The following OPRM1 variants were observed in gnomAD, a reference collection of about 807,000 sequenced individuals.
OPRM1 encodes mu-type opioid receptor.
A neutral mutation model predicts 31.8 loss-of-function variants in OPRM1; 27 were observed. That is an observed-to-expected ratio of 0.85 (90% CI 0.63 to 1.17). OPRM1 has a LOEUF of 1.17. Ranked by LOEUF, OPRM1 falls within the 50% of genes most tolerant of loss-of-function variation. OPRM1 has a pLI of 0.00. For missense variants in OPRM1, 536 were observed against 511.1 expected (o/e 1.05, Z -0.47); for synonymous variants, 196 against 189.9 (o/e 1.03, Z -0.26).
chr6:154,180,439 T>C (rs1490983651), intron 3 of OPRM1, among the ~76,000 whole-genome samples: 1 of 149,690 alleles, frequency 6.7e-6, no homozygotes, highest in East Asian at 1.9e-4. Flanking sequence ...ATGATCCTTC[T>C]TGGTGACATT....
At chr6:154,104,263 A>G (rs947061327) in intron 3 of OPRM1, among the ~76,000 whole-genome samples, 2 of 152,230 alleles carry the variant, frequency 1.3e-5, no homozygotes, top group African/African-American at 4.8e-5. Context: ...AGATTAATAA[A>G]TGTTTAGTTA....
chr6:154,017,851 T>TA (rs1171836439), intron 1 of OPRM1, among the ~76,000 whole-genome samples: 3 of 150,170 alleles, frequency 2.0e-5, no homozygotes, highest in African/African-American at 7.5e-5. Flanking sequence ...GTGGAAGTGA[T>TA]ATGTTACTAT....
intron 3 of OPRM1, among the ~76,000 whole-genome samples, chr6:154,150,570 G>A (rs1798473656): frequency 6.6e-6 from 1 of 152,206 alleles, no homozygotes; most frequent in South Asian, 2.1e-4. Flanking sequence ...GGGTAGTTTT[G>A]AAGACTGGGG....
chr6:154,242,519 T>G (rs9479796), intron 3 of OPRM1, among the ~76,000 whole-genome samples: 61,835 of 151,984 alleles, frequency 0.41, 12,909 homozygotes, highest in Middle Eastern at 0.49. Flanking sequence ...GATCTTCTCC[T>G]ACAGAAATGA....
At chr6:154,052,256 A>G (rs781391309) in intron 1 of OPRM1, among the ~76,000 whole-genome samples, 1 of 152,200 alleles carries the variant, frequency 6.6e-6, no homozygotes, top group Non-Finnish European at 1.5e-5. Context: ...ATGACAATTG[A>G]TAGGTGCAGC....
intron 1 of OPRM1, among the ~76,000 whole-genome samples, chr6:154,030,665 T>G (rs1044546317): frequency 5.9e-5 from 9 of 152,158 alleles, no homozygotes; most frequent in African/African-American, 2.2e-4. Context: ...ACAGAGAGAT[T>G]AGAGAAGAAA....
rs77758344 is a variant in OPRM1, at chr6:154,082,133, C to T, written c.291-7693C>T. Among the ~76,000 whole-genome samples, 385 of 152,294 alleles carry T rather than the reference C, an allele frequency of 2.5e-3. 2 individuals are homozygous for T. Among genetic ancestry groups the T allele is most frequent in the African/African-American group, 8.9e-3 (370 of 41,554 alleles). On this transcript the variant is annotated intron_variant, in intron 1 of 3. Transcript: ENST00000330432. ...CAAAAACAAATATTCCCTCTTCAGT[C>T]TTACTTCAAAAATTGCTGGTTCTCT...
chr6:154,044,262 A>G (rs189359094), intron 1 of OPRM1, among the ~76,000 whole-genome samples: 1 of 152,250 alleles, frequency 6.6e-6, no homozygotes. Flanking sequence ...TTTACTACAT[A>G]TGGAAACACA....
chr6:154,152,050 G>A (rs1404756792), intron 3 of OPRM1, among the ~76,000 whole-genome samples: 2 of 151,326 alleles, frequency 1.3e-5, no homozygotes, highest in African/African-American at 4.9e-5. Flanking sequence ...GGTGGCGCAG[G>A]CCTGTAATCC....
chr6:154,127,704 TG>T lies in OPRM1; in HGVS notation c.*8984del. ...AGTCAGAATTCAATCTCCAATATCC[TG>T]ACTAGCACAAGAAATCCATAGGTTG... On this transcript the variant is annotated 3_prime_UTR_variant, in exon 4 of 4. Coordinates refer to ENST00000330432, the MANE Select transcript of OPRM1 (RefSeq NM_000914.5). Among the ~76,000 whole-genome samples the T allele has an allele frequency of 6.6e-6, 1 of 152,184 alleles. No homozygotes were observed. Among genetic ancestry groups the T allele is most frequent in the African/African-American group, 2.4e-5 (1 of 41,452 alleles).
intron 3 of OPRM1, chr6:154,108,341 G>A: frequency 4.4e-6 from 1 of 229,148 alleles, no homozygotes; most frequent in African/African-American, 2.3e-5. Context: ...CAGTTGCCCT[G>A]AGTAACAGAA....
intron 3 of OPRM1, among the ~76,000 whole-genome samples, chr6:154,235,631 C>A (rs2128631133): frequency 6.6e-6 from 1 of 151,800 alleles, no homozygotes; most frequent in African/African-American, 2.4e-5. Context: ...GTGAAGTTAT[C>A]AAATACTTCA....
intron 3 of OPRM1, among the ~76,000 whole-genome samples, chr6:154,099,986 ATAT>A (rs1357202361): frequency 7.9e-5 from 11 of 138,856 alleles, no homozygotes; most frequent in East Asian, 6.2e-4. Flanking sequence ...ATATCATAAC[ATAT>A]TATATATTAT....
intron 3 of OPRM1, among the ~76,000 whole-genome samples, chr6:154,106,955 A>G (rs1795667816): frequency 6.6e-6 from 1 of 152,230 alleles, no homozygotes; most frequent in East Asian, 1.9e-4. Flanking sequence ...TTTCCAAAAT[A>G]TTACTAAAGT....
chr6:154,113,494 C>T (rs912350452), intron 3 of OPRM1, among the ~76,000 whole-genome samples: 3 of 152,156 alleles, frequency 2.0e-5, no homozygotes, highest in Admixed American at 1.3e-4. Context: ...ATCACCATGA[C>T]CTTGGTTTGG....
At chr6:154,178,849 T>G (rs1213076116) in intron 3 of OPRM1, among the ~76,000 whole-genome samples, 1 of 152,214 alleles carries the variant, frequency 6.6e-6, no homozygotes, top group African/African-American at 2.4e-5. Flanking sequence ...AGAGAAAGCC[T>G]GGAACTGAAA....
chr6:154,214,155 C>T, intron 3 of OPRM1: 1 of 1,048,238 alleles, frequency 9.5e-7, no homozygotes, highest in Non-Finnish European at 1.5e-6. Context: ...ATTGTTTTTT[C>T]ACCCTGTTTC....
intron 3 of OPRM1, among the ~76,000 whole-genome samples, chr6:154,234,265 C>T (rs971399060): frequency 7.9e-5 from 12 of 152,190 alleles, no homozygotes; most frequent in African/African-American, 2.6e-4. Flanking sequence ...GAAAACTCTG[C>T]GGTACATGTT....
At chr6:154,061,233 A>T (rs1401818895) in intron 1 of OPRM1, among the ~76,000 whole-genome samples, 2 of 152,174 alleles carry the variant, frequency 1.3e-5, no homozygotes, top group African/African-American at 4.8e-5. Context: ...ATACTTTCAC[A>T]GACACTCTCC....
Sources: allele counts gnomAD v4.1 joint callset (sites outside exome capture counted in the v4.1 genomes callset), GRCh38; gene constraint gnomAD v4.1.1; transcripts MANE v1.5; gene names NCBI Gene and HGNC (gene_info 2026-07-23, HGNC 2026-07-21).